Variants in DRC9 observed in about 807,000 individuals in gnomAD.
DRC9 encodes the protein dynein regulatory complex protein 9.
the DRC9 span, chr3:197,913,819 G>T: frequency 6.7e-7 from 1 of 1,494,858 alleles, no homozygotes; most frequent in Non-Finnish European, 9.3e-7. Flanking sequence ...AGCTGAGAGG[G>T]GATCAGGAGT....
At chr3:197,950,467 T>A in the DRC9 span, 1 of 488,616 alleles carries the variant, frequency 2.0e-6, no homozygotes, top group Non-Finnish European at 3.0e-6. Context: ...TGAAACGATG[T>A]TTTTGTTCGT....
the DRC9 span, chr3:197,889,338 C>G: frequency 5.7e-3 from 3,034 of 530,002 alleles, 67 homozygotes; most frequent in African/African-American, 0.051. Context: ...CTACTAGAAA[C>G]TTCTTCCCAG....
At chr3:197,900,750 C>T in the DRC9 span, among the ~76,000 whole-genome samples, 1 of 152,216 alleles carries the variant, frequency 6.6e-6, no homozygotes, top group Admixed American at 6.5e-5. This position sits in a 1 kb window ranked among gnomAD's most constrained non-coding sequence, Gnocchi z 4.7. Context: ...GATACCAGCT[C>T]AGCCACAGCA....
chr3:197,922,723 A>AATAG, the DRC9 span, among the ~76,000 whole-genome samples: 1 of 151,088 alleles, frequency 6.6e-6, no homozygotes, highest in Non-Finnish European at 1.5e-5. Flanking sequence ...AAAATAAATA[A>AATAG]ATAAATAAAT....
At chr3:197,954,543 T>G in the DRC9 span, 1 of 325,336 alleles carries the variant, frequency 3.1e-6, no homozygotes. Context: ...AAGGTCTCAC[T>G]TTGTCACGCA....
the DRC9 span, among the ~76,000 whole-genome samples, chr3:197,924,764 C>T: frequency 6.6e-6 from 1 of 152,018 alleles, no homozygotes; most frequent in Admixed American, 6.6e-5. Flanking sequence ...GTGATCCGCC[C>T]GTCTTGGCTT....
At chr3:197,935,785 G>A in the DRC9 span, among the ~76,000 whole-genome samples, 2 of 151,982 alleles carry the variant, frequency 1.3e-5, no homozygotes, top group African/African-American at 4.8e-5. Flanking sequence ...CTGCAGCCAG[G>A]AAAGTAACTT....
At chr3:197,903,877 A>G in the DRC9 span, among the ~76,000 whole-genome samples, 341 of 151,934 alleles carry the variant, frequency 2.2e-3, no homozygotes, top group Middle Eastern at 0.017. Context: ...TGGGAGGCCT[A>G]GGCTGGAGGA....
chr3:197,926,029 C>T, the DRC9 span: 3 of 1,567,668 alleles, frequency 1.9e-6, no homozygotes, highest in South Asian at 3.3e-5. Context: ...CTTACCTGGA[C>T]TTCAAATTGC....
the DRC9 span, among the ~76,000 whole-genome samples, chr3:197,917,323 G>T: frequency 6.6e-6 from 1 of 152,034 alleles, no homozygotes; most frequent in Non-Finnish European, 1.5e-5. Flanking sequence ...TCTCAAAAAG[G>T]TCCCTAAGAT....
the DRC9 span, among the ~76,000 whole-genome samples, chr3:197,904,094 ATATATATATATATATAT>A: frequency 2.1e-4 from 8 of 37,464 alleles, no homozygotes; most frequent in African/African-American, 8.0e-4. Context: ...ATACATATAT[ATATATATATATATATAT>A]TTTTTTTTTT....
chr3:197,944,433 T>TTTTTATTTTA, the DRC9 span, among the ~76,000 whole-genome samples: 3 of 150,662 alleles, frequency 2.0e-5, no homozygotes, highest in East Asian at 5.8e-4. Flanking sequence ...TAAGTTTGTG[T>TTTTTATTTTA]TTTTATTTTA....
At chr3:197,908,517 A>G in the DRC9 span, among the ~76,000 whole-genome samples, 1 of 146,660 alleles carries the variant, frequency 6.8e-6, no homozygotes, top group Admixed American at 6.7e-5. Context: ...CTGAAGAGTG[A>G]CCCCTTTCCC....
the DRC9 span, chr3:197,959,780 C>T: frequency 6.3e-6 from 1 of 158,764 alleles, no homozygotes; most frequent in Non-Finnish European, 1.4e-5. Flanking sequence ...TAGGAAATGG[C>T]GTTAGTTAAG....
chr3:197,922,427 C>T, the DRC9 span, among the ~76,000 whole-genome samples: 1 of 152,078 alleles, frequency 6.6e-6, no homozygotes, highest in Non-Finnish European at 1.5e-5. Context: ...ATCTTCTGGC[C>T]AGGCACAGTG....
chr3:197,943,996 C>A, the DRC9 span: 10 of 1,613,962 alleles, frequency 6.2e-6, 1 homozygote, highest in South Asian at 1.1e-4. Context: ...GTCACTGACA[C>A]CGTCATCTCA....
At chr3:197,915,163 C>CAAAAAAAAAA in the DRC9 span, among the ~76,000 whole-genome samples, 8 of 71,350 alleles carry the variant, frequency 1.1e-4, no homozygotes, top group South Asian at 5.2e-4. Flanking sequence ...GATTCTGTCT[C>CAAAAAAAAAA]AAAAAAAAAA....
the DRC9 span, among the ~76,000 whole-genome samples, chr3:197,942,352 C>T: frequency 7.6e-6 from 1 of 131,264 alleles, no homozygotes; most frequent in Non-Finnish European, 1.6e-5. Context: ...CCACTGCACT[C>T]CAGCCTGGGC....
chr3:197,953,088 C>G, the DRC9 span, among the ~76,000 whole-genome samples: 1 of 152,228 alleles, frequency 6.6e-6, no homozygotes, highest in African/African-American at 2.4e-5. Context: ...CGTGAGCCAT[C>G]GTGCCATTGC....
Sources: gnomAD v4.1 joint callset for allele counts (sites outside exome capture counted in the v4.1 genomes callset) on GRCh38, gnomAD v4.1.1 for gene constraint, Gnocchi (gnomAD v3.1) non-coding constraint, MANE v1.5 for transcripts, NCBI Gene and HGNC (gene_info 2026-07-23, HGNC 2026-07-21) for gene names.